The following ZBTB25 variants were observed in gnomAD, a reference collection of about 807,000 sequenced individuals.
The protein encoded by ZBTB25 is zinc finger and BTB domain containing 25, also known as zinc finger and BTB domain-containing protein 25.
ZBTB25 carries 20 observed loss-of-function variants against 34.2 expected under a neutral mutation model. That is an observed-to-expected ratio of 0.58 (90% CI 0.41 to 0.85). The LOEUF (loss-of-function observed/expected upper bound fraction) is 0.85, where lower values mean the gene tolerates loss of function less well. ZBTB25 is among the 40% of genes least tolerant of loss of function. The pLI is 0.00. For missense variants in ZBTB25, 437 were observed against 521.8 expected (o/e 0.84, Z 1.58); for synonymous variants, 175 against 186.4 (o/e 0.94, Z 0.50).
chr14:64,473,369 G>A (rs1323379250), downstream of ZBTB25: 1 of 167,062 alleles, frequency 6.0e-6, no homozygotes, highest in East Asian at 1.9e-4. Flanking sequence ...ACAGCATGAA[G>A]TTTGTGATGA....
chr14:64,465,062 G>T (rs1385474984), intron 2 of ZBTB25, among the ~76,000 whole-genome samples: 1 of 152,196 alleles, frequency 6.6e-6, no homozygotes, highest in Admixed American at 6.5e-5. Context: ...TCTATGCACA[G>T]TTTTGAATCC....
At chr14:64,489,019 G>T (rs765578359) in intron 2 of ZBTB25, among the ~76,000 whole-genome samples, 4 of 152,202 alleles carry the variant, frequency 2.6e-5, no homozygotes, top group Non-Finnish European at 5.9e-5. Context: ...GGCCGAGGCA[G>T]GTGGATCATC....
chr14:64,503,292 AG>A, intron 1 of ZBTB25: 1 of 985,350 alleles, frequency 1.0e-6, no homozygotes, highest in Non-Finnish European at 1.2e-6. Context: ...CGCTCGTAAG[AG>A]GGGTCGGCGC....
intron 1 of ZBTB25, among the ~76,000 whole-genome samples, chr14:64,491,075 T>C (rs1010380513): frequency 2.0e-5 from 3 of 152,194 alleles, no homozygotes; most frequent in Non-Finnish European, 4.4e-5. Context: ...CCAACTCTCA[T>C]CAAATGTTTG....
At position 64,480,045 on chromosome 14, in the gene ZBTB25, T is replaced by C. The variant is rs1029264096; in HGVS notation, c.*6878A>G. The C allele has an allele frequency of 8.2e-5, 13 of 159,496 alleles. No homozygotes were observed. The highest frequency in any genetic ancestry group is 1.5e-4 in the Non-Finnish European group (11 of 72,632). 9.9% of individuals were successfully genotyped at this position (159,496 alleles called of 1,614,324 possible). A position where few individuals can be genotyped will look rare whatever the true frequency, so the allele number is the denominator to read the frequency against. On this transcript the variant is annotated 3_prime_UTR_variant, in exon 3 of 3. Transcript: ENST00000608382. ...TGTAAATAGAGAAGAAAGAAGCAGC[T>C]GGGCGCGGTGGCTCACGCCTGTAAT...
chr14:64,503,628 G>C, intron 1 of ZBTB25, 33 bp downstream of exon 1: 2 of 985,426 alleles, frequency 2.0e-6, no homozygotes, highest in Non-Finnish European at 2.4e-6. Flanking sequence ...CTGAGCCCGG[G>C]GCAGCCCACA....
At chr14:64,454,269 C>T (rs1052648186) in intron 2 of ZBTB25, among the ~76,000 whole-genome samples, 1 of 152,088 alleles carries the variant, frequency 6.6e-6, no homozygotes, top group African/African-American at 2.4e-5. Flanking sequence ...CGCACCACCA[C>T]ACCTGGCTAA....
chr14:64,479,244 C>G lies in ZBTB25; in HGVS notation c.*7679G>C, dbSNP rs2078751026. The G allele has an allele frequency of 6.6e-6, 1 of 152,290 alleles. No individual in the cohort carries two copies. Among genetic ancestry groups the G allele is most frequent in the South Asian group, 2.1e-4 (1 of 4,822 alleles). The allele number at this position is 152,290 out of a possible 1,614,324, so 9.4% of individuals were successfully genotyped here. On this transcript the variant is annotated 3_prime_UTR_variant, in exon 3 of 3. Coordinates refer to ENST00000608382, the MANE Select transcript of ZBTB25 (RefSeq NM_006977.5). The stretch of plus-strand genomic sequence containing the variant: ...TCTCAGAAGGGTTGGTCAACCTCAG[C>G]TCTAATGACATTTTGAGGTACATAT...
chr14:64,485,707 G>C lies in ZBTB25; in HGVS notation c.*1216C>G. On this transcript the variant is annotated 3_prime_UTR_variant, in exon 3 of 3. Coordinates refer to ENST00000608382, the MANE Select transcript of ZBTB25 (RefSeq NM_006977.5). ...GCCACTGAAAAATTACTTTTTCAGT[G>C]ATTTTTAGAAAATTAAAATCAACCC... 1 of 985,344 alleles carries C rather than the reference G, an allele frequency of 1.0e-6. No homozygotes were observed. Among genetic ancestry groups the C allele is most frequent in the South Asian group, 4.7e-5 (1 of 21,282 alleles). 61.0% of individuals were successfully genotyped at this position (985,344 alleles called of 1,614,324 possible). A position where few individuals can be genotyped will look rare whatever the true frequency, so the allele number is the denominator to read the frequency against.
At chr14:64,502,976 C>T in intron 1 of ZBTB25, 1 of 985,410 alleles carries the variant, frequency 1.0e-6, no homozygotes, top group Non-Finnish European at 1.2e-6. Flanking sequence ...AAATTTAATC[C>T]CTTGGGGTGA....
chr14:64,466,253 T>C (rs1281234621), intron 2 of ZBTB25, among the ~76,000 whole-genome samples: 1 of 152,262 alleles, frequency 6.6e-6, no homozygotes, highest in Non-Finnish European at 1.5e-5. Context: ...TCATTTGCAG[T>C]CTGACATTCT....
chr14:64,468,442 G>A (rs201096516), intron 2 of ZBTB25: 23 of 1,613,572 alleles, frequency 1.4e-5, no homozygotes, highest in Non-Finnish European at 1.8e-5. Context: ...AGGATGAGAA[G>A]AGATCAGCAG....
rs1348259133 is a variant in ZBTB25, at chr14:64,484,852, C to T, written c.*2071G>A. ...AATCAATGTTAATACTTGTGTTCTTCCAATGAGATGATATTTTTGAGGGCA... is the reference window on the plus strand; with the variant it reads ...AATCAATGTTAATACTTGTGTTCTTTCAATGAGATGATATTTTTGAGGGCA... On this transcript the variant is annotated 3_prime_UTR_variant, in exon 3 of 3. Transcript: ENST00000608382. 1 of 226,446 alleles carries T rather than the reference C, an allele frequency of 4.4e-6. No homozygotes were observed. Among genetic ancestry groups the T allele is most frequent in the East Asian group, 1.8e-4 (1 of 5,512 alleles). 14.0% of individuals were successfully genotyped at this position (226,446 alleles called of 1,614,324 possible).
At chr14:64,468,313 A>G in intron 2 of ZBTB25, 1 of 1,335,082 alleles carries the variant, frequency 7.5e-7, no homozygotes, top group Non-Finnish European at 1.0e-6. Flanking sequence ...CTAGTGTGAC[A>G]TTTTTGCTCA....
intron 1 of ZBTB25, among the ~76,000 whole-genome samples, chr14:64,497,525 T>C (rs1449095627): frequency 7.0e-6 from 1 of 141,960 alleles, no homozygotes. Context: ...AATACCAGAA[T>C]CAAAATATGA....
At chr14:64,459,542 G>A (rs1244266861) in intron 2 of ZBTB25, among the ~76,000 whole-genome samples, 2 of 152,174 alleles carry the variant, frequency 1.3e-5, no homozygotes, top group Non-Finnish European at 2.9e-5. Context: ...CTCACGGCTT[G>A]GTCTGGTCTT....
intron 2 of ZBTB25, chr14:64,455,138 T>G (rs536539877): frequency 4.4e-6 from 2 of 449,554 alleles, no homozygotes; most frequent in Non-Finnish European, 8.2e-6. Flanking sequence ...AGGGACAGTA[T>G]GCTCTTCACT....
rs772027302 is a variant in ZBTB25, at chr14:64,487,092, C to A, written c.1139G>T (p.Arg380Leu). ...CAATGCATTACCAAACCTTTGGCAT[C>A]GGTTATATCTGTAAGATTTACCTTT... ...THKGKSYRYN[R>L]CQRFGNALAQ... The change falls in exon 3 of 3, where the codon CGA becomes CTA. Residue 380 changes from arginine (R) to leucine (L), a missense_variant. Physicochemically the swap from Arg to Leu is moderately radical, Grantham distance 102. Transcript: ENST00000608382. 1 of 1,614,032 alleles carries A rather than the reference C, an allele frequency of 6.2e-7. No individual in the cohort carries two copies. Among genetic ancestry groups the A allele is most frequent in the Non-Finnish European group, 8.5e-7 (1 of 1,180,040 alleles).
chr14:64,500,819 G>T (rs1441158002), intron 1 of ZBTB25, among the ~76,000 whole-genome samples: 1 of 152,176 alleles, frequency 6.6e-6, no homozygotes, highest in South Asian at 2.1e-4. Context: ...GGGAGGCCAA[G>T]GTGGGCGGAT....
Sources: gnomAD v4.1 joint callset for allele counts (sites outside exome capture counted in the v4.1 genomes callset) on GRCh38, gnomAD v4.1.1 for gene constraint, MANE v1.5 for transcripts, NCBI Gene and HGNC (gene_info 2026-07-23, HGNC 2026-07-21) for gene names.